F2R: variants seen among roughly 807,000 people sequenced by gnomAD.
F2R encodes the protein coagulation factor II thrombin receptor.
A neutral mutation model predicts 18.3 loss-of-function variants in F2R; 12 were observed. The observed-to-expected ratio is 0.66, with a 90% confidence interval of 0.42 to 1.06. The LOEUF is 1.06. F2R is among the 50% of genes least tolerant of loss of function. The pLI, the probability that F2R is intolerant of heterozygous loss-of-function variation, is 0.00. For missense variants in F2R, 438 were observed against 530.8 expected, an observed-to-expected ratio of 0.83 and a Z score of 1.72; for synonymous variants, 210 against 219.9, an observed-to-expected ratio of 0.95 and a Z score of 0.40.
At chr5:76,719,619 A>T (rs935222204) in intron 1 of F2R, among the ~76,000 whole-genome samples, 1 of 151,558 alleles carries the variant, frequency 6.6e-6, no homozygotes, top group Non-Finnish European at 1.5e-5. Context: ...TTGGGAGTTG[A>T]CCACAGGCCT....
At chr5:76,730,198 C>T (rs1337571594) in intron 1 of F2R, among the ~76,000 whole-genome samples, 4 of 152,194 alleles carry the variant, frequency 2.6e-5, no homozygotes, top group African/African-American at 4.8e-5. Context: ...AATATCACTT[C>T]AGTTCTTTTA....
chr5:76,733,520 G>A lies in F2R; in HGVS notation c.*17G>A, dbSNP rs1266008685. ...TTAACTTAGGAAAAGGGACTGCTGGGAGGTTAAAAAGAAAAGTTTATAAAA... is the reference window on the plus strand; with the variant it reads ...TTAACTTAGGAAAAGGGACTGCTGGAAGGTTAAAAAGAAAAGTTTATAAAA... On this transcript the variant is annotated 3_prime_UTR_variant, in exon 2 of 2. Transcript: ENST00000319211. The A allele has an allele frequency of 6.4e-7, 1 of 1,570,792 alleles. No individual in the cohort carries two copies. Among genetic ancestry groups the A allele is most frequent in the African/African-American group, 1.4e-5 (1 of 72,836 alleles).
chr5:76,733,039 T>C lies in F2R; in HGVS notation c.814T>C (p.Ser272Pro), dbSNP rs1228499082. 3 of 1,614,216 alleles carry C rather than the reference T, an allele frequency of 1.9e-6. No individual in the cohort carries two copies. In the South Asian group the frequency reaches 3.3e-5, roughly 18 times the overall value. The change falls in exon 2 of 2, where the codon TCA becomes CCA. Residue 272 changes from serine (S) to proline (P), a missense_variant. By Grantham distance (74) the Ser-to-Pro change is moderately conservative. Transcript: ENST00000319211. ...CGAAGGCTACTATGCCTACTACTTC[T>C]CAGCCTTCTCTGCTGTCTTCTTTTT... Reference protein sequence around the residue: ...LLEGYYAYYFSAFSAVFFFVP... With the variant: ...LLEGYYAYYFPAFSAVFFFVP...
At chr5:76,720,817 T>C (rs950638706) in intron 1 of F2R, among the ~76,000 whole-genome samples, 1 of 152,288 alleles carries the variant, frequency 6.6e-6, no homozygotes, top group Non-Finnish European at 1.5e-5. Flanking sequence ...TTGTTGTTGC[T>C]GTTTTTTTGA....
chr5:76,724,470 A>G (rs1026636416), intron 1 of F2R, among the ~76,000 whole-genome samples: 21 of 152,214 alleles, frequency 1.4e-4, no homozygotes, highest in African/African-American at 5.1e-4. Context: ...AATCAGGTTC[A>G]AACAAGGTCC....
At chr5:76,732,215 A>C in intron 1 of F2R, 99 bp from the exon 2 acceptor site, 2 of 935,800 alleles carry the variant, frequency 2.1e-6, no homozygotes, top group Non-Finnish European at 3.1e-6. Context: ...CCTAGTAAGA[A>C]AACATAAACA....
intron 1 of F2R, among the ~76,000 whole-genome samples, chr5:76,719,141 C>G (rs1003736084): frequency 3.9e-5 from 6 of 152,230 alleles, no homozygotes; most frequent in African/African-American, 1.4e-4. Flanking sequence ...AAACAGCTAC[C>G]CTCTGTGGAG....
intron 1 of F2R, among the ~76,000 whole-genome samples, chr5:76,731,966 GT>G (rs745682050): frequency 6.6e-5 from 10 of 152,180 alleles, no homozygotes; most frequent in Non-Finnish European, 1.3e-4. Flanking sequence ...GGAGTGATTT[GT>G]TTATATAGAC....
intron 1 of F2R, among the ~76,000 whole-genome samples, chr5:76,722,467 C>T (rs1283672976): frequency 6.6e-6 from 1 of 152,206 alleles, no homozygotes; most frequent in Non-Finnish European, 1.5e-5. Context: ...CACACACTTT[C>T]CTTATGTAGT....
chr5:76,716,559 G>T, intron 1 of F2R, 164 bp downstream of exon 1: 1 of 708,664 alleles, frequency 1.4e-6, no homozygotes, highest in Non-Finnish European at 2.3e-6. Context: ...TTTAGGTGGG[G>T]CGTGCCACCC....
chr5:76,717,696 T>C lies in F2R; in HGVS notation c.88+1301T>C, dbSNP rs115713077. Among the ~76,000 whole-genome samples, 1,012 of 152,134 alleles carry C rather than the reference T, an allele frequency of 6.7e-3. 4 individuals carry two copies. Among genetic ancestry groups the C allele is most frequent in the Non-Finnish European group, 0.01 (695 of 67,976 alleles). ...AAAAATTGTTTGCGATGAGATATGA[T>C]TTCACATACCATTATGTAATTTGCA... On this transcript the variant is annotated intron_variant, in intron 1 of 1. Coordinates refer to ENST00000319211, the MANE Select transcript of F2R (RefSeq NM_001992.5).
Position 76,733,528 on chromosome 5 carries a change from A to G in F2R, c.*25A>G, listed in dbSNP as rs758362767. 1 of 1,556,360 alleles carries G rather than the reference A, an allele frequency of 6.4e-7. No homozygotes were observed. Among genetic ancestry groups the G allele is most frequent in the Non-Finnish European group, 8.7e-7 (1 of 1,152,278 alleles). ...GGAAAAGGGACTGCTGGGAGGTTAAAAAGAAAAGTTTATAAAAGTGAATAA... is the reference window on the plus strand; with the variant it reads ...GGAAAAGGGACTGCTGGGAGGTTAAGAAGAAAAGTTTATAAAAGTGAATAA... On this transcript the variant is annotated 3_prime_UTR_variant, in exon 2 of 2. Transcript: ENST00000319211.
In F2R at chr5:76,733,230, G is replaced by T. The variant is rs749210897; in HGVS notation, c.1005G>T (p.Ala335=). Residue 335 remains alanine (A), a synonymous_variant, in exon 2 of 2, where the codon GCG becomes GCT. Transcript: ENST00000319211. ...CFGPTNVLLI[A]HYSFLSHTST... is the part of the protein sequence containing the mutation. ...GACCCACAAACGTCCTCCTGATTGC[G>T]CATTACTCATTCCTTTCTCACACTT... The T allele has an allele frequency of 3.7e-6, 6 of 1,614,094 alleles. No individual in the cohort carries two copies. The highest frequency in any genetic ancestry group is 4.5e-5 in the East Asian group (2 of 44,882).
intron 1 of F2R, among the ~76,000 whole-genome samples, chr5:76,729,650 C>T (rs911604420): frequency 2.6e-4 from 39 of 152,154 alleles, no homozygotes; most frequent in African/African-American, 9.2e-4. Flanking sequence ...TATGTGTAAA[C>T]CATTAATCCA....
intron 1 of F2R, among the ~76,000 whole-genome samples, chr5:76,718,103 C>T (rs1748377719): frequency 6.6e-6 from 1 of 152,112 alleles, no homozygotes; most frequent in Admixed American, 6.5e-5. Flanking sequence ...GGAATTTTCA[C>T]TTGGATTGTC....
At chr5:76,716,527 T>G (rs569560013) in intron 1 of F2R, 132 bp downstream of exon 1, 115 of 851,886 alleles carry the variant, frequency 1.3e-4, no homozygotes, top group Non-Finnish European at 1.9e-4. Context: ...TGGGCTGAGA[T>G]CTGGAGTTTT....
chr5:76,725,912 T>C (rs1312548834), intron 1 of F2R, among the ~76,000 whole-genome samples: 1 of 152,246 alleles, frequency 6.6e-6, no homozygotes, highest in African/African-American at 2.4e-5. Flanking sequence ...ATTTTCAGAC[T>C]AAGTGATAGT....
At chr5:76,731,486 A>G (rs572609729) in intron 1 of F2R, among the ~76,000 whole-genome samples, 10 of 151,838 alleles carry the variant, frequency 6.6e-5, no homozygotes, top group Admixed American at 3.9e-4. Context: ...AAAAAAAAAG[A>G]AAGAAAAAGA....
chr5:76,734,970 A>T lies in F2R; in HGVS notation c.*1467A>T, dbSNP rs17568523. ...AATAACAGAAGAAAATAGAATTGAC[A>T]TTGAAATCTAGGAAAATTATTCTAT... On this transcript the variant is annotated 3_prime_UTR_variant, in exon 2 of 2. Coordinates refer to ENST00000319211, the MANE Select transcript of F2R (RefSeq NM_001992.5). The T allele has an allele frequency of 1.6e-3, 251 of 152,482 alleles. 3 individuals carry two copies. Among genetic ancestry groups the T allele is most frequent in the Admixed American group, 0.014 (210 of 15,294 alleles). 9.4% of individuals were successfully genotyped at this position (152,482 alleles called of 1,614,324 possible).
Sources: gnomAD v4.1 joint callset for allele counts (sites outside exome capture counted in the v4.1 genomes callset) on GRCh38, gnomAD v4.1.1 for gene constraint, MANE v1.5 for transcripts, NCBI Gene and HGNC (gene_info 2026-07-23, HGNC 2026-07-21) for gene names.